The following GHR variants were observed in gnomAD, a reference collection of about 807,000 sequenced individuals.
The protein encoded by GHR is growth hormone receptor.
In GHR, 35 loss-of-function variants were observed where a neutral mutation model predicts 67.1. The observed-to-expected ratio is 0.52, with a 90% CI of 0.40 to 0.69. GHR has a LOEUF of 0.69. Among genes scored for constraint, GHR ranks in the 30% least tolerant of loss-of-function variants. GHR has a pLI of 0.00. For missense variants in GHR, 792 were observed against 764.6 expected, an observed-to-expected ratio of 1.04 and a Z score of -0.42; for synonymous variants, 272 against 269.1, an observed-to-expected ratio of 1.01 and a Z score of -0.10.
chr5:42,579,073 C>CTATA (rs1750930342), intron 2 of GHR, among the ~76,000 whole-genome samples: 1 of 120,364 alleles, frequency 8.3e-6, no homozygotes, highest in Non-Finnish European at 1.7e-5. Context: ...AAATCTGACA[C>CTATA]TATAGATAGA....
intron 1 of GHR, among the ~76,000 whole-genome samples, chr5:42,538,311 T>C (rs181468341): frequency 8.0e-4 from 122 of 152,348 alleles, no homozygotes; most frequent in African/African-American, 2.9e-3. Context: ...TGTTTTAATG[T>C]TTCCAGGATT....
chr5:42,538,199 C>G lies in GHR; in HGVS notation c.-11-27665C>G, dbSNP rs751381290. On this transcript the variant is annotated intron_variant, in intron 1 of 9. Coordinates refer to ENST00000230882, the MANE Select transcript of GHR (RefSeq NM_000163.5). Reference sequence around the variant, plus strand: ...GTGTGGTACTGTTGCATTCATCATGCTGTTTGCTGCCTGTGTACCTTGGTT... The same window carrying G: ...GTGTGGTACTGTTGCATTCATCATGGTGTTTGCTGCCTGTGTACCTTGGTT... 2.0e-5 allele frequency among the ~76,000 whole-genome samples: 3 copies of G among 152,122 alleles called. No individual in the cohort carries two copies. The South Asian group carries it at 6.2e-4, about 31-fold the overall frequency.
At position 42,461,181 on chromosome 5, in the gene GHR, T is replaced by C. The variant is rs1744473702; in HGVS notation, c.-12+37226T>C. 2.0e-5 allele frequency among the ~76,000 whole-genome samples: 3 copies of C among 152,272 alleles called. 1 individual carries two copies. In the South Asian group the frequency reaches 6.2e-4, roughly 32 times the overall value. On this transcript the variant is annotated intron_variant, in intron 1 of 9. Transcript: ENST00000230882. Reference sequence around the variant, plus strand: ...AGCAAAGGAGGACACAGCTGCCCCTTGTAATAGTGGAGGGAAGGAAGGAGG... The same window carrying C: ...AGCAAAGGAGGACACAGCTGCCCCTCGTAATAGTGGAGGGAAGGAAGGAGG...
chr5:42,682,055 G>A (rs1756909695), intron 3 of GHR, among the ~76,000 whole-genome samples: 3 of 151,946 alleles, frequency 2.0e-5, no homozygotes, highest in South Asian at 4.2e-4. Context: ...TAAAGAAAGT[G>A]TGGCACATAT....
chr5:42,648,186 C>T (rs1235515146), intron 3 of GHR, among the ~76,000 whole-genome samples: 1 of 152,162 alleles, frequency 6.6e-6, no homozygotes, highest in Non-Finnish European at 1.5e-5. Flanking sequence ...TATATTTACA[C>T]CCTAACCATC....
At chr5:42,661,247 C>T (rs904125419) in intron 3 of GHR, among the ~76,000 whole-genome samples, 2 of 152,138 alleles carry the variant, frequency 1.3e-5, no homozygotes, top group Non-Finnish European at 2.9e-5. Flanking sequence ...TCAGGAAATA[C>T]AAAGAACGCC....
intron 6 of GHR, among the ~76,000 whole-genome samples, chr5:42,705,354 C>T (rs1758125075): frequency 2.0e-5 from 3 of 151,902 alleles, no homozygotes; most frequent in Non-Finnish European, 2.9e-5. Context: ...TTAAGGTTTG[C>T]TATGTTGTTT....
At chr5:42,537,866 TG>T (rs1322100890) in intron 1 of GHR, among the ~76,000 whole-genome samples, 1 of 152,170 alleles carries the variant, frequency 6.6e-6, no homozygotes, top group Non-Finnish European at 1.5e-5. Flanking sequence ...TGTTTAGGAT[TG>T]TGATATTTTC....
chr5:42,637,773 G>A (rs539819627), intron 3 of GHR, among the ~76,000 whole-genome samples: 8 of 152,098 alleles, frequency 5.3e-5, no homozygotes, highest in Non-Finnish European at 1.0e-4. Flanking sequence ...ATATGAGTGC[G>A]TGTGTCCTTT....
At chr5:42,594,959 T>G (rs1326804854) in intron 2 of GHR, among the ~76,000 whole-genome samples, 2 of 152,184 alleles carry the variant, frequency 1.3e-5, no homozygotes, top group Admixed American at 6.5e-5. Flanking sequence ...ATTATAATAA[T>G]AGTTTAACTT....
intron 3 of GHR, among the ~76,000 whole-genome samples, chr5:42,635,779 C>T (rs928261484): frequency 2.0e-5 from 3 of 152,146 alleles, no homozygotes; most frequent in African/African-American, 7.2e-5. Flanking sequence ...TTAATGAAAC[C>T]TTTGGAATGC....
Position 42,720,806 on chromosome 5 carries a change from T to G in GHR, c.*1382T>G, listed in dbSNP as rs558138150. On this transcript the variant is annotated 3_prime_UTR_variant, in exon 10 of 10. Transcript: ENST00000230882. Reference sequence around the variant, plus strand: ...AGCAAAAGAAGAAGTTTCATCATTTTTTACTTCCTCTCTGAGTGGACTGGC... The same window carrying G: ...AGCAAAAGAAGAAGTTTCATCATTTGTTACTTCCTCTCTGAGTGGACTGGC... The G allele has an allele frequency of 6.6e-6, 1 of 152,340 alleles. No homozygotes were observed. Among genetic ancestry groups the G allele is most frequent in the African/African-American group, 2.4e-5 (1 of 41,596 alleles). 9.4% of individuals were successfully genotyped at this position (152,340 alleles called of 1,614,324 possible). A position where few individuals can be genotyped will look rare whatever the true frequency, so the allele number is the denominator to read the frequency against.
intron 1 of GHR, chr5:42,467,832 G>T: frequency 1.7e-6 from 2 of 1,161,220 alleles, no homozygotes; most frequent in Non-Finnish European, 2.5e-6. Context: ...TGGGTTTTCG[G>T]ATTGTTAACA....
chr5:42,560,279 C>T lies in GHR; in HGVS notation c.-11-5585C>T, dbSNP rs537025172. Among the ~76,000 whole-genome samples the T allele has an allele frequency of 4.6e-4, 70 of 152,220 alleles. 1 individual carries two copies. In the East Asian group the frequency reaches 6.6e-3, roughly 14 times the overall value. ...CATAATCTCGGCTCACTGCAACCTC[C>T]GCCTCCTGGGTTCAAGCGATTCTCC... On this transcript the variant is annotated intron_variant, in intron 1 of 9. Coordinates refer to ENST00000230882, the MANE Select transcript of GHR (RefSeq NM_000163.5).
chr5:42,547,624 C>T (rs1276594486), intron 1 of GHR, among the ~76,000 whole-genome samples: 1 of 152,144 alleles, frequency 6.6e-6, no homozygotes, highest in Non-Finnish European at 1.5e-5. Flanking sequence ...TTTCTAAATG[C>T]TGTGTTCTTC....
chr5:42,671,506 T>C (rs1756297220), intron 3 of GHR, among the ~76,000 whole-genome samples: 1 of 151,926 alleles, frequency 6.6e-6, no homozygotes, highest in East Asian at 1.9e-4. Flanking sequence ...GGCTTCCTTC[T>C]TGGGATTCAA....
chr5:42,535,177 A>G (rs149713675), intron 1 of GHR, among the ~76,000 whole-genome samples: 2,932 of 151,964 alleles, frequency 0.019, 30 homozygotes, highest in Middle Eastern at 0.037. Context: ...CCAACTATTT[A>G]TCTTTTGTTT....
At chr5:42,512,982 AT>A (rs533374135) in intron 1 of GHR, among the ~76,000 whole-genome samples, 4 of 152,130 alleles carry the variant, frequency 2.6e-5, no homozygotes, top group African/African-American at 9.6e-5. Context: ...TCTGGGGGAT[AT>A]TTTTTTAAAG....
At chr5:42,558,278 CT>C (rs1203154869) in intron 1 of GHR, among the ~76,000 whole-genome samples, 2 of 152,104 alleles carry the variant, frequency 1.3e-5, no homozygotes, top group Non-Finnish European at 2.9e-5. Flanking sequence ...TTGGGAGGAC[CT>C]TTTACAACAT....
Sources: gnomAD v4.1 joint callset for allele counts (sites outside exome capture counted in the v4.1 genomes callset) on GRCh38, gnomAD v4.1.1 for gene constraint, MANE v1.5 for transcripts, NCBI Gene and HGNC (gene_info 2026-07-23, HGNC 2026-07-21) for gene names.